The following LEPR variants were observed in gnomAD, a reference collection of about 807,000 sequenced individuals.
LEPR encodes the protein leptin receptor.
LEPR carries 56 observed loss-of-function variants against 114.7 expected under a neutral mutation model. That is an observed-to-expected ratio of 0.49 (90% confidence interval 0.39 to 0.61). The LOEUF (loss-of-function observed/expected upper bound fraction) is 0.61, where lower values mean the gene tolerates loss of function less well. Among genes scored for constraint, LEPR ranks in the 20% least tolerant of loss-of-function variants. The pLI, the probability that LEPR is intolerant of heterozygous loss-of-function variation, is 0.00. For missense variants in LEPR, 1,202 were observed against 1,352.9 expected (o/e 0.89, Z 1.75); for synonymous variants, 443 against 461.4 (o/e 0.96, Z 0.51).
At chr1:65,619,031 A>AT (rs1164740520) in intron 16 of LEPR, among the ~76,000 whole-genome samples, 2 of 152,172 alleles carry the variant, frequency 1.3e-5, no homozygotes, top group African/African-American at 2.4e-5. Flanking sequence ...AGCACAAAGT[A>AT]TAAGTGCACA....
chr1:65,587,618 GA>G (rs1017090720), intron 5 of LEPR, among the ~76,000 whole-genome samples: 1 of 152,024 alleles, frequency 6.6e-6, no homozygotes, highest in African/African-American at 2.4e-5. Flanking sequence ...TAAGCAAACA[GA>G]AGTACTTGAT....
At chr1:65,629,254 C>A in intron 19 of LEPR, 4 of 322,070 alleles carry the variant, frequency 1.2e-5, no homozygotes, top group South Asian at 5.1e-5. Flanking sequence ...TAAATAAAAA[C>A]ATTAGCACTC....
intron 18 of LEPR, among the ~76,000 whole-genome samples, chr1:65,622,370 G>A (rs1657939654): frequency 6.6e-6 from 1 of 152,106 alleles, no homozygotes; most frequent in Admixed American, 6.5e-5. Context: ...GCACTGTGTG[G>A]CTCCAGTCTG....
intron 19 of LEPR, chr1:65,634,513 C>T (rs1479122843): frequency 1.1e-6 from 1 of 940,686 alleles, no homozygotes; most frequent in Non-Finnish European, 1.3e-6. Flanking sequence ...AACTCACTGA[C>T]AAAACATATT....
intron 3 of LEPR, 85 bp from the exon 4 acceptor site, chr1:65,570,388 A>G: frequency 4.5e-6 from 6 of 1,319,680 alleles, no homozygotes; most frequent in Non-Finnish European, 6.3e-6. Flanking sequence ...ATTGAGCACT[A>G]CATGGTTTAA....
At position 65,639,919 on chromosome 1, in the gene LEPR, A is replaced by G. The variant is rs1200114360; in HGVS notation, c.*2904A>G. On this transcript the variant is annotated 3_prime_UTR_variant, in exon 20 of 20. Transcript: ENST00000349533. ...TTCTGTTGGATCTCTGTGTCCATTT[A>G]GAGATGAGCTACAAGTTGACAAGAA... 6.6e-6 allele frequency: 1 copy of G among 152,134 alleles called. No individual in the cohort carries two copies. Among genetic ancestry groups the G allele is most frequent in the South Asian group, 2.1e-4 (1 of 4,822 alleles). The allele number at this position is 152,134 out of a possible 1,614,324, so 9.4% of individuals were successfully genotyped here. A position where few individuals can be genotyped will look rare whatever the true frequency, so the allele number is the denominator to read the frequency against.
chr1:65,639,434 G>A lies in LEPR; in HGVS notation c.*2419G>A, dbSNP rs1012060190. The stretch of plus-strand genomic sequence containing the variant: ...GGCTTGAATTCTGATTTCCACTTTT[G>A]AAAGTTTATTTCACTATGTATCATT... On this transcript the variant is annotated 3_prime_UTR_variant, in exon 20 of 20. Transcript: ENST00000349533. 6.6e-6 allele frequency: 1 copy of A among 152,066 alleles called. No homozygotes were observed. The highest frequency in any genetic ancestry group is 2.4e-5 in the African/African-American group (1 of 41,408). 9.4% of individuals were successfully genotyped at this position (152,066 alleles called of 1,614,324 possible). A position where few individuals can be genotyped will look rare whatever the true frequency, so the allele number is the denominator to read the frequency against.
intron 2 of LEPR, among the ~76,000 whole-genome samples, chr1:65,556,872 A>G (rs752285367): frequency 3.9e-5 from 6 of 152,120 alleles, no homozygotes; most frequent in Non-Finnish European, 8.8e-5. Context: ...TAGTGCTTTG[A>G]GAAAGAGAGA....
intron 2 of LEPR, among the ~76,000 whole-genome samples, chr1:65,520,022 C>T (rs1252146011): frequency 1.3e-5 from 2 of 151,956 alleles, no homozygotes; most frequent in Non-Finnish European, 2.9e-5. Flanking sequence ...TGCCACCACG[C>T]CCGGCTAATT....
intron 2 of LEPR, among the ~76,000 whole-genome samples, chr1:65,459,277 G>A (rs905672010): frequency 2.6e-5 from 4 of 152,112 alleles, no homozygotes; most frequent in Admixed American, 6.5e-5. Context: ...CAGCTGGGGT[G>A]CTACTGAATT....
At chr1:65,571,791 C>CAAAAA (rs34139057) in intron 4 of LEPR, among the ~76,000 whole-genome samples, 1 of 73,688 alleles carries the variant, frequency 1.4e-5, no homozygotes, top group African/African-American at 5.4e-5. Flanking sequence ...CCATCTCTAC[C>CAAAAA]AAAAAAAAAA....
intron 2 of LEPR, among the ~76,000 whole-genome samples, chr1:65,547,469 T>C (rs965601544): frequency 2.6e-5 from 4 of 151,732 alleles, no homozygotes; most frequent in Non-Finnish European, 4.4e-5. Context: ...CTATTGATTA[T>C]TGCCACAATT....
intron 19 of LEPR, chr1:65,635,033 C>G: frequency 1.2e-6 from 1 of 857,200 alleles, no homozygotes; most frequent in Non-Finnish European, 1.4e-6. Context: ...CATATTTATT[C>G]CTTTATGCTT....
chr1:65,577,361 T>A (rs1654665381), intron 5 of LEPR: 1 of 153,008 alleles, frequency 6.5e-6, no homozygotes, highest in Non-Finnish European at 1.5e-5. Flanking sequence ...TCAAGGTCGC[T>A]AACAACATCC....
chr1:65,456,948 C>T (rs1386823507), intron 2 of LEPR, among the ~76,000 whole-genome samples: 1 of 152,060 alleles, frequency 6.6e-6, no homozygotes, highest in Non-Finnish European at 1.5e-5. Flanking sequence ...GTTCCATTTT[C>T]TCTGTTATAC....
chr1:65,595,194 G>T (rs1033591655), intron 6 of LEPR, among the ~76,000 whole-genome samples: 1 of 152,032 alleles, frequency 6.6e-6, no homozygotes, highest in Admixed American at 6.6e-5. Context: ...TAGCTCATTG[G>T]TGGAGACAGC....
intron 18 of LEPR, 70 bp downstream of exon 18, chr1:65,621,528 C>G: frequency 7.7e-7 from 1 of 1,290,346 alleles, no homozygotes; most frequent in Non-Finnish European, 1.1e-6. Context: ...GATTTAAAAC[C>G]TTCTAAATTA....
chr1:65,519,373 C>A (rs1280517853), intron 2 of LEPR, among the ~76,000 whole-genome samples: 1 of 151,920 alleles, frequency 6.6e-6, no homozygotes, highest in Non-Finnish European at 1.5e-5. Flanking sequence ...TGGTCTCAAA[C>A]CCCTGGGCTC....
intron 2 of LEPR, among the ~76,000 whole-genome samples, chr1:65,479,129 C>T (rs1479281500): frequency 2.6e-5 from 4 of 152,022 alleles, no homozygotes; most frequent in Non-Finnish European, 4.4e-5. Context: ...TCAGAGCAGG[C>T]AGGATTTTGG....
Sources: allele counts gnomAD v4.1 joint callset (sites outside exome capture counted in the v4.1 genomes callset), GRCh38; gene constraint gnomAD v4.1.1; transcripts MANE v1.5; gene names NCBI Gene and HGNC (gene_info 2026-07-23, HGNC 2026-07-21).